The following CTU2 variants were observed in gnomAD, a reference collection of about 807,000 sequenced individuals.
CTU2 encodes the protein cytoplasmic tRNA 2-thiolation protein 2.
In CTU2, 80 loss-of-function variants were observed where a neutral mutation model predicts 64.1. The ratio of observed to expected loss-of-function variants is 1.25; its 90% confidence interval spans 1.04 to 1.50. The LOEUF is 1.50. CTU2 is among the 40% of genes most tolerant of loss of function. CTU2 has a pLI of 0.00. For synonymous variants in CTU2, 482 were observed against 285.3 expected, an observed-to-expected ratio of 1.69 and a Z score of -6.95; for missense variants, 1,110 against 690.2, an observed-to-expected ratio of 1.61 and a Z score of -6.81.
chr16:88,714,488 T>C lies in CTU2; in HGVS notation c.1201+2T>C. On this transcript the variant is annotated splice_donor_variant, in intron 11 of 14. Coordinates refer to ENST00000453996, the MANE Select transcript of CTU2 (RefSeq NM_001012759.3). LOFTEE classifies it high-confidence loss of function. ...GTGCCCTGGACGTCGACGCCGCTGG[T>C]CTGTGTTTCATGCTCTTGGGGTGAT... is the stretch of plus-strand genomic sequence containing the variant. The C allele has an allele frequency of 6.2e-7, 1 of 1,612,590 alleles. No individual in the cohort carries two copies. Among genetic ancestry groups the C allele is most frequent in the East Asian group, 2.2e-5 (1 of 44,870 alleles).
At chr16:88,710,151 A>C in intron 3 of CTU2, 72 bp from the exon 4 acceptor site, 1 of 1,585,288 alleles carries the variant, frequency 6.3e-7, no homozygotes, top group Non-Finnish European at 8.7e-7. Flanking sequence ...TCGATGTCCT[A>C]GATGTCCACG....
Position 88,706,601 on chromosome 16 carries a change from A to C in CTU2, c.68+3A>C, listed in dbSNP as rs978991590. The C allele has an allele frequency of 7.0e-7, 1 of 1,429,940 alleles. No homozygotes were observed. Among genetic ancestry groups the C allele is most frequent in the Admixed American group, 3.1e-5 (1 of 32,454 alleles). 88.6% of individuals were successfully genotyped at this position (1,429,940 alleles called of 1,614,324 possible). On this transcript the variant is annotated splice_donor_region_variant and intron_variant, in intron 1 of 14. Transcript: ENST00000453996. ...CCGCCCCCGGCGCCGCGGCCCAGGT[A>C]AGAGCTGGCGGCCGGACCCGCCAGG...
chr16:88,712,669 G>A lies in CTU2; in HGVS notation c.501G>A (p.Leu167=), dbSNP rs138003612. 2,261 of 1,610,648 alleles carry A rather than the reference G, an allele frequency of 1.4e-3. 32 individuals carry two copies. The African/African-American group carries it at 0.027, about 19-fold the overall frequency. The change falls in exon 7 of 15, where the codon CTG becomes CTA. Residue 167 remains leucine (L), a synonymous_variant. Coordinates refer to ENST00000453996, the MANE Select transcript of CTU2 (RefSeq NM_001012759.3). ...PSVLWCSAQE[L]VGSEGAYKAA... ...TGCTTTGGTGCTCTGCCCAGGAGCT[G>A]GTGGGATCCGAGGGGGCCTACAAGG...
At position 88,710,468 on chromosome 16, in the gene CTU2, G is replaced by A. The variant is rs1413865286; in HGVS notation, c.282+186G>A. On this transcript the variant is annotated intron_variant, in intron 4 of 14. Transcript: ENST00000453996. ...ACCAATCAGGAGCTGAGTCCACAGTGTGTGTGTGCGGCCCACTCTCAGATG... is the reference window on the plus strand; with the variant it reads ...ACCAATCAGGAGCTGAGTCCACAGTATGTGTGTGCGGCCCACTCTCAGATG... 9.9e-6 allele frequency: 6 copies of A among 605,870 alleles called. No individual in the cohort carries two copies. In the African/African-American group the frequency reaches 1.1e-4, roughly 11 times the overall value. The allele number at this position is 605,870 out of a possible 1,614,324, so 37.5% of individuals were successfully genotyped here.
chr16:88,707,879 C>T (rs1164510329), intron 2 of CTU2, among the ~76,000 whole-genome samples: 4 of 152,016 alleles, frequency 2.6e-5, no homozygotes, highest in Non-Finnish European at 5.9e-5. Flanking sequence ...TGCATGATCC[C>T]AGCTCACTGC....
chr16:88,707,331 C>G (rs1910952152), intron 2 of CTU2, 121 bp downstream of exon 2: 1 of 922,996 alleles, frequency 1.1e-6, no homozygotes, highest in South Asian at 1.4e-5. Flanking sequence ...ATTCCTGCTC[C>G]TGATGGGGTC....
At chr16:88,714,084 C>G in intron 9 of CTU2, 52 bp from the exon 10 acceptor site, 2 of 1,561,990 alleles carry the variant, frequency 1.3e-6, no homozygotes, top group Non-Finnish European at 1.8e-6. Flanking sequence ...TCTGCCCCAG[C>G]CTGGGGCTGG....
Position 88,714,612 on chromosome 16 carries a change from G to A in CTU2, c.1227G>A (p.Gln409=). The part of the protein sequence containing the change: ...AADSATAFGA[Q]TSSRLSQMQS... ...ACAGTGCCACGGCTTTTGGGGCTCAGACCTCCTCGCGTCTCTCCCAGATGC... is the reference window on the plus strand; with the variant it reads ...ACAGTGCCACGGCTTTTGGGGCTCAAACCTCCTCGCGTCTCTCCCAGATGC... Residue 409 remains glutamine, a synonymous_variant, in exon 12 of 15, where the codon CAG becomes CAA. Transcript: ENST00000453996. 1 of 1,612,630 alleles carries A rather than the reference G, an allele frequency of 6.2e-7. No individual in the cohort carries two copies. The highest frequency in any genetic ancestry group is 1.3e-5 in the African/African-American group (1 of 75,026).
At chr16:88,708,646 T>C (rs1911091519) in intron 2 of CTU2, among the ~76,000 whole-genome samples, 3 of 152,268 alleles carry the variant, frequency 2.0e-5, no homozygotes, top group African/African-American at 7.2e-5. Flanking sequence ...CTTTACTGTC[T>C]GTAAAGGAAC....
chr16:88,715,122 C>A lies in CTU2; in HGVS notation c.1478+16C>A. On this transcript the variant is annotated intron_variant, in intron 14 of 14. Transcript: ENST00000453996. ...GCACACAGAGGTACTGGGGCCCACA[C>A]TGCCGTGGCGCGTGGGTAAGGGGCC... 1 of 1,598,498 alleles carries A rather than the reference C, an allele frequency of 6.3e-7. No individual in the cohort carries two copies. Among genetic ancestry groups the A allele is most frequent in the South Asian group, 1.1e-5 (1 of 88,972 alleles).
In CTU2 at chr16:88,713,650, T is replaced by G; in HGVS notation, c.877T>G (p.Phe293Val). Residue 293 changes from phenylalanine to valine, a missense_variant, in exon 9 of 15, where the codon TTC (phenylalanine) becomes GTC (valine). Phe to Val is a conservative substitution (Grantham distance 50). Coordinates refer to ENST00000453996, the MANE Select transcript of CTU2 (RefSeq NM_001012759.3). ...RGAFLAWDTG[F>V]SDERHGDVVV... ...ACACAGCCCCTGCCTCCCGCAGGGC[T>G]TCTCGGATGAGCGGCACGGGGACGT... 6.2e-7 allele frequency: 1 copy of G among 1,612,014 alleles called. No individual in the cohort carries two copies.
chr16:88,708,862 TC>T (rs1416330159), intron 2 of CTU2: 6 of 152,128 alleles, frequency 3.9e-5, no homozygotes, highest in African/African-American at 1.4e-4. Flanking sequence ...AAATGCAGAC[TC>T]CTAGGCCTCA....
chr16:88,711,984 G>C, intron 5 of CTU2: 1 of 611,720 alleles, frequency 1.6e-6, no homozygotes, highest in South Asian at 1.9e-5. Flanking sequence ...ACGGGGTCTG[G>C]GGACAAAGAA....
rs774669128 is a variant in CTU2 at position 88,709,974 on chromosome 16, A to G, written c.180A>G (p.Arg60=). 2.5e-6 allele frequency: 4 copies of G among 1,613,926 alleles called. No homozygotes were observed. The highest frequency in any genetic ancestry group is 3.3e-5 in the Admixed American group (2 of 60,022). The change falls in exon 3 of 15, where the codon AGA becomes AGG. Residue 60 remains arginine, a synonymous_variant. Transcript: ENST00000453996. ...CFKAFYVHKF[R]AMLGKNRLIF... ...AGGCCTTCTACGTCCACAAGTTCAG[A>G]GCCATGCTGGGCAAGAACCGGCTCA...
intron 2 of CTU2, 65 bp downstream of exon 2, chr16:88,707,275 A>G: frequency 4.3e-6 from 6 of 1,382,798 alleles, no homozygotes; most frequent in Non-Finnish European, 6.2e-6. Flanking sequence ...GATAGCCGCA[A>G]CTTGTGATGC....
At chr16:88,711,457 G>A (rs998907586) in intron 4 of CTU2, among the ~76,000 whole-genome samples, 178 bp from the exon 5 acceptor site, 4 of 152,202 alleles carry the variant, frequency 2.6e-5, no homozygotes, top group African/African-American at 9.7e-5. Context: ...GTGCGGCCTC[G>A]CCTACTGGGC....
chr16:88,713,465 T>C lies in CTU2; in HGVS notation c.873+18T>C. The C allele has an allele frequency of 1.3e-6, 2 of 1,564,886 alleles. No individual in the cohort carries two copies. The highest frequency in any genetic ancestry group is 1.2e-5 in the South Asian group (1 of 84,960). On this transcript the variant is annotated intron_variant, in intron 8 of 14. Transcript: ENST00000453996. ...GGGATACGGTAGGCAGGGGCCTGGGTGTTCAGGAGGCCCATCCTCACCTTC... is the reference window on the plus strand; with the variant it reads ...GGGATACGGTAGGCAGGGGCCTGGGCGTTCAGGAGGCCCATCCTCACCTTC...
At position 88,714,229 on chromosome 16, in the gene CTU2, TGTGG is replaced by T. The variant is rs1567652153; in HGVS notation, c.1097+6_1097+9del. ...CTCCACTGTCAGCACTGTGTACAGG[TGTGG>T]GTGTGTGTGGGTGTGTGCGGGGGGT... On this transcript the variant is annotated splice_donor_5th_base_variant and intron_variant, in intron 10 of 14. Transcript: ENST00000453996. The T allele has an allele frequency of 6.2e-5, 6 of 96,866 alleles. 1 individual carries two copies. In the South Asian group the frequency reaches 1.1e-3, roughly 18 times the overall value. The allele number at this position is 96,866 out of a possible 1,614,324, so 6.0% of individuals were successfully genotyped here.
chr16:88,706,646 CG>C (rs1337545683), intron 1 of CTU2, 48 bp downstream of exon 1: 4 of 1,304,594 alleles, frequency 3.1e-6, no homozygotes, highest in Non-Finnish European at 4.0e-6. Flanking sequence ...GCCTTCCCGC[CG>C]CACTCCTGCC....
Sources: gnomAD v4.1 joint callset for allele counts (sites outside exome capture counted in the v4.1 genomes callset) on GRCh38, gnomAD v4.1.1 for gene constraint, MANE v1.5 for transcripts, NCBI Gene and HGNC (gene_info 2026-07-23, HGNC 2026-07-21) for gene names.